MYOF: variants seen among roughly 807,000 people sequenced by gnomAD.
MYOF encodes fer-1-like 3, myoferlin.
In MYOF, 244 loss-of-function variants were observed where a neutral mutation model predicts 284.2. That is an observed-to-expected ratio of 0.86 (90% CI 0.77 to 0.95). MYOF has a LOEUF of 0.95. MYOF is among the 40% of genes least tolerant of loss of function. MYOF has a pLI of 0.00. For synonymous variants in MYOF, 904 were observed against 919.7 expected (o/e 0.98, Z 0.31); for missense variants, 2,496 against 2,560.6 (o/e 0.97, Z 0.54).
chr10:93,430,093 C>T (rs1013554343), intron 4 of MYOF, among the ~76,000 whole-genome samples: 1 of 151,762 alleles, frequency 6.6e-6, no homozygotes, highest in African/African-American at 2.4e-5. Context: ...TGCCACCATG[C>T]CTGGCTAATT....
intron 7 of MYOF, among the ~76,000 whole-genome samples, chr10:93,406,430 T>C (rs911119399): frequency 2.0e-5 from 3 of 150,450 alleles, no homozygotes; most frequent in Non-Finnish European, 3.0e-5. Flanking sequence ...CTCATTAAAA[T>C]GGGAAAATTC....
In MYOF at chr10:93,377,430, C is replaced by T; in HGVS notation, c.2002-1G>A. The T allele has an allele frequency of 2.5e-6, 4 of 1,605,782 alleles. No homozygotes were observed. In the South Asian group the frequency reaches 3.3e-5, roughly 13 times the overall value. On this transcript the variant is annotated splice_acceptor_variant, in intron 21 of 53. Transcript: ENST00000359263. LOFTEE classifies it high-confidence loss of function. ...ATTTTAGAGCTTCTATATTTGTTTGCTGAAGAATTTGAAAAGAGAGGAAAT... is the reference window on the plus strand; with the variant it reads ...ATTTTAGAGCTTCTATATTTGTTTGTTGAAGAATTTGAAAAGAGAGGAAAT...
intron 3 of MYOF, among the ~76,000 whole-genome samples, chr10:93,436,119 C>T (rs1200595951): frequency 6.6e-6 from 1 of 151,874 alleles, no homozygotes; most frequent in Non-Finnish European, 1.5e-5. Flanking sequence ...AGGCCAATAA[C>T]AGAAATGTGG....
chr10:93,451,720 A>G (rs573095655), intron 3 of MYOF, among the ~76,000 whole-genome samples: 1 of 152,352 alleles, frequency 6.6e-6, no homozygotes, highest in Non-Finnish European at 1.5e-5. Context: ...ATATCACTAC[A>G]GTTCAGATAA....
At chr10:93,406,042 C>T (rs1847550738) in intron 7 of MYOF, among the ~76,000 whole-genome samples, 2 of 151,374 alleles carry the variant, frequency 1.3e-5, no homozygotes, top group Admixed American at 1.3e-4. Flanking sequence ...ACTGCAACCT[C>T]CGCCTCCCAG....
At chr10:93,323,387 T>TGAAGTTATATGATGGGTAGC (rs1842919027) in intron 46 of MYOF, 29 bp from the exon 47 acceptor site, 2 of 1,553,114 alleles carry the variant, frequency 1.3e-6, no homozygotes, top group Non-Finnish European at 1.8e-6. Context: ...AAAAGAGGAC[T>TGAAGTTATATGATGGGTAGC]GAAGTTATAT....
intron 24 of MYOF, among the ~76,000 whole-genome samples, chr10:93,372,577 C>G (rs554046892): frequency 6.6e-6 from 1 of 152,186 alleles, no homozygotes. Flanking sequence ...TGAACCATCC[C>G]TACTGCTTTC....
intron 50 of MYOF, among the ~76,000 whole-genome samples, chr10:93,313,636 C>T (rs1057170758): frequency 1.3e-5 from 2 of 152,112 alleles, no homozygotes; most frequent in Non-Finnish European, 2.9e-5. Context: ...CAAAGTGGCT[C>T]ACGGCTGTAA....
At chr10:93,472,041 G>A (rs904595000) in intron 1 of MYOF, among the ~76,000 whole-genome samples, 11 of 152,206 alleles carry the variant, frequency 7.2e-5, no homozygotes, top group Admixed American at 3.9e-4. Context: ...CTGGCCAAGA[G>A]GCCACCAGGC....
chr10:93,310,171 C>T lies in MYOF; in HGVS notation c.6000-4G>A. ...GAGGAAGGAGGTTTCTGGTCGACTGCATTGCAAAGAAACAGTATCACCTAC... is the reference window on the plus strand; with the variant it reads ...GAGGAAGGAGGTTTCTGGTCGACTGTATTGCAAAGAAACAGTATCACCTAC... On this transcript the variant is annotated splice_polypyrimidine_tract_variant and splice_region_variant and intron_variant, in intron 52 of 53. Transcript: ENST00000359263. The T allele has an allele frequency of 6.2e-7, 1 of 1,613,814 alleles. No individual in the cohort carries two copies. Among genetic ancestry groups the T allele is most frequent in the Non-Finnish European group, 8.5e-7 (1 of 1,179,744 alleles).
chr10:93,436,077 G>C (rs1564717196), intron 3 of MYOF, among the ~76,000 whole-genome samples: 1 of 151,802 alleles, frequency 6.6e-6, no homozygotes, highest in African/African-American at 2.4e-5. Flanking sequence ...AATCAAACTA[G>C]AATTCACACA....
intron 5 of MYOF, among the ~76,000 whole-genome samples, chr10:93,419,943 T>C (rs373472334): frequency 2.6e-4 from 39 of 151,952 alleles, no homozygotes; most frequent in African/African-American, 9.2e-4. Context: ...ACCAGCTTGG[T>C]CAACATGGTG....
At chr10:93,375,034 T>C (rs1845771760) in intron 22 of MYOF, 79 bp from the exon 23 acceptor site, 2 of 1,357,712 alleles carry the variant, frequency 1.5e-6, no homozygotes, top group Middle Eastern at 5.0e-4. Flanking sequence ...CAAATACATT[T>C]ATGTTGGATT....
chr10:93,330,192 T>C (rs1034799947), intron 43 of MYOF, among the ~76,000 whole-genome samples: 18 of 152,172 alleles, frequency 1.2e-4, no homozygotes, highest in Non-Finnish European at 1.8e-4. Flanking sequence ...GCTATAAGTG[T>C]CAAGTGAAGA....
At chr10:93,470,501 A>T (rs986306374) in intron 1 of MYOF, among the ~76,000 whole-genome samples, 5 of 151,858 alleles carry the variant, frequency 3.3e-5, no homozygotes, top group African/African-American at 1.2e-4. Context: ...CCCAGGTTCG[A>T]GCCATTCTCC....
intron 18 of MYOF, 70 bp downstream of exon 18, chr10:93,388,960 C>T (rs1846536722): frequency 6.5e-7 from 1 of 1,548,808 alleles, no homozygotes; most frequent in Admixed American, 1.9e-5. Flanking sequence ...AATACTTGAT[C>T]AGACATTATA....
At chr10:93,388,984 A>G in intron 18 of MYOF, 46 bp downstream of exon 18, 1 of 1,584,328 alleles carries the variant, frequency 6.3e-7, no homozygotes, top group Non-Finnish European at 8.6e-7. Flanking sequence ...AGAAATAATC[A>G]CCTTAACCAA....
At chr10:93,331,603 A>G (rs1843305345) in intron 43 of MYOF, among the ~76,000 whole-genome samples, 1 of 151,636 alleles carries the variant, frequency 6.6e-6, no homozygotes, top group East Asian at 2.0e-4. Context: ...TCGGGGCTGG[A>G]TCAGTGGAAG....
At chr10:93,357,830 G>C (rs1019099535) in intron 29 of MYOF, among the ~76,000 whole-genome samples, 4 of 152,194 alleles carry the variant, frequency 2.6e-5, no homozygotes, top group African/African-American at 9.7e-5. Context: ...CATATCCTGA[G>C]CCTTCTAACT....
Sources: allele counts gnomAD v4.1 joint callset (sites outside exome capture counted in the v4.1 genomes callset), GRCh38; gene constraint gnomAD v4.1.1; transcripts MANE v1.5; gene names NCBI Gene and HGNC (gene_info 2026-07-23, HGNC 2026-07-21).